Variants in TOPAZ1 observed in about 807,000 individuals in gnomAD.
TOPAZ1 encodes the protein testis and ovary specific TOPAZ 1, also known as protein TOPAZ1.
Under a neutral mutation model 172.2 loss-of-function variants are expected in TOPAZ1, and 66 were observed. The ratio of observed to expected loss-of-function variants is 0.38; its 90% CI spans 0.31 to 0.47. The LOEUF (loss-of-function observed/expected upper bound fraction) is 0.47. Among genes scored for constraint, TOPAZ1 ranks in the 20% least tolerant of loss-of-function variants. The pLI, the probability that TOPAZ1 is intolerant of heterozygous loss-of-function variation, is 0.99. For synonymous variants in TOPAZ1, 681 were observed against 683.9 expected (o/e 1.00, Z 0.07); for missense variants, 1,822 against 1,972.4 (o/e 0.92, Z 1.44).
downstream of TOPAZ1, among the ~76,000 whole-genome samples, chr3:44,336,409 T>C (rs1700726964): frequency 3.9e-5 from 6 of 152,212 alleles, no homozygotes; most frequent in South Asian, 1.2e-3. Context: ...TAAATGTTTA[T>C]AAAGCTGAAT....
chr3:44,278,634 G>C (rs1369983322), intron 8 of TOPAZ1, among the ~76,000 whole-genome samples: 1 of 152,044 alleles, frequency 6.6e-6, no homozygotes, highest in Non-Finnish European at 1.5e-5. Flanking sequence ...TGTATAGTTA[G>C]TTGTTCATAA....
chr3:44,255,670 TAC>T (rs71085609), intron 3 of TOPAZ1, among the ~76,000 whole-genome samples: 3,810 of 46,192 alleles, frequency 0.082, 119 homozygotes, highest in South Asian at 0.15. Context: ...AAAATATATA[TAC>T]ACACACACAC....
At chr3:44,272,287 G>T (rs965422497) in intron 8 of TOPAZ1, among the ~76,000 whole-genome samples, 4 of 152,118 alleles carry the variant, frequency 2.6e-5, no homozygotes, top group Non-Finnish European at 5.9e-5. Context: ...GGATCATATG[G>T]TAATTCTATT....
chr3:44,269,629 C>A (rs1559532066), intron 7 of TOPAZ1, among the ~76,000 whole-genome samples: 1 of 149,366 alleles, frequency 6.7e-6, no homozygotes. Context: ...TTTCCCTATC[C>A]TTTTTTTTGA....
At chr3:44,249,847 A>G (rs1265096783) in intron 2 of TOPAZ1, among the ~76,000 whole-genome samples, 3 of 152,188 alleles carry the variant, frequency 2.0e-5, no homozygotes, top group African/African-American at 4.8e-5. Flanking sequence ...AAGATTTTAT[A>G]AGTAGGGTGA....
chr3:44,284,026 G>A (rs959131594), intron 9 of TOPAZ1, among the ~76,000 whole-genome samples: 8 of 152,090 alleles, frequency 5.3e-5, no homozygotes, highest in African/African-American at 1.7e-4. Context: ...CCAGGATCAG[G>A]TGTGCATTTA....
At chr3:44,289,916 A>G (rs749987182) in intron 11 of TOPAZ1, among the ~76,000 whole-genome samples, 4 of 152,216 alleles carry the variant, frequency 2.6e-5, no homozygotes, top group Non-Finnish European at 4.4e-5. Context: ...ATAGAACCAA[A>G]TAAAATTCTC....
intron 8 of TOPAZ1, among the ~76,000 whole-genome samples, chr3:44,277,095 A>G (rs1699969411): frequency 6.6e-6 from 1 of 152,070 alleles, no homozygotes; most frequent in South Asian, 2.1e-4. Context: ...CTGGCCCAGT[A>G]TGGTCATTTT....
At chr3:44,262,527 C>G in intron 5 of TOPAZ1, 44 bp downstream of exon 5, 1 of 1,016,590 alleles carries the variant, frequency 9.8e-7, no homozygotes, top group Non-Finnish European at 1.5e-6. Flanking sequence ...AATAGTCACT[C>G]ATCTAATTTA....
At chr3:44,274,217 T>C (rs1211540918) in intron 8 of TOPAZ1, among the ~76,000 whole-genome samples, 6 of 150,494 alleles carry the variant, frequency 4.0e-5, no homozygotes, top group Non-Finnish European at 5.9e-5. Flanking sequence ...CAAGACCAGC[T>C]TGACCTACAA....
At chr3:44,258,128 T>C (rs1699736107) in intron 4 of TOPAZ1, among the ~76,000 whole-genome samples, 1 of 152,224 alleles carries the variant, frequency 6.6e-6, no homozygotes, top group South Asian at 2.1e-4. Flanking sequence ...TTCCTAAAGT[T>C]GCAGCCGAGG....
In TOPAZ1 at chr3:44,276,860, G is replaced by A. The variant is rs150862890; in HGVS notation, c.3373-5108G>A. 1.2e-3 allele frequency among the ~76,000 whole-genome samples: 180 copies of A among 151,504 alleles called. 4 individuals carry two copies. In the East Asian group the frequency reaches 0.034, roughly 29 times the overall value. On this transcript the variant is annotated intron_variant, in intron 8 of 19. Coordinates refer to ENST00000309765, the MANE Select transcript of TOPAZ1 (RefSeq NM_001145030.2). Reference sequence around the variant, plus strand: ...GGCTGGAGTACAGTGGCGAGATCTCGGCTCACTGCACCCTCCGCCTCCTGG... The same window carrying A: ...GGCTGGAGTACAGTGGCGAGATCTCAGCTCACTGCACCCTCCGCCTCCTGG...
intron 8 of TOPAZ1, 111 bp from the exon 9 acceptor site, chr3:44,281,857 T>C (rs188257428): frequency 1.6e-6 from 1 of 635,962 alleles, no homozygotes; most frequent in African/African-American, 1.9e-5. Context: ...ATTCCAATCC[T>C]TTGAGATCAT....
At chr3:44,316,502 G>T (rs1700453312) in intron 16 of TOPAZ1, among the ~76,000 whole-genome samples, 1 of 152,012 alleles carries the variant, frequency 6.6e-6, no homozygotes, top group African/African-American at 2.4e-5. Context: ...ACATATTAAA[G>T]ATACTAGTCC....
intron 1 of TOPAZ1, 114 bp downstream of exon 1, chr3:44,242,513 G>A: frequency 8.7e-7 from 1 of 1,144,540 alleles, no homozygotes; most frequent in East Asian, 2.6e-5. Flanking sequence ...GATGCACATA[G>A]TTGACCAGGA....
intron 9 of TOPAZ1, among the ~76,000 whole-genome samples, chr3:44,284,710 T>C (rs777573786): frequency 8.5e-5 from 13 of 152,218 alleles, no homozygotes; most frequent in Non-Finnish European, 1.9e-4. Flanking sequence ...TCCAGAAGTT[T>C]TATGGCCAAA....
chr3:44,264,106 C>T (rs1699803637), intron 5 of TOPAZ1, among the ~76,000 whole-genome samples: 1 of 152,282 alleles, frequency 6.6e-6, no homozygotes. Context: ...AACCTAACTC[C>T]TCCTCAGACC....
chr3:44,298,909 A>ATATATTTT (rs1287571186), intron 12 of TOPAZ1, among the ~76,000 whole-genome samples: 32 of 41,324 alleles, frequency 7.7e-4, no homozygotes, highest in Non-Finnish European at 1.1e-3. Context: ...ATATATATAT[A>ATATATTTT]TTTTTTTTTT....
intron 12 of TOPAZ1, among the ~76,000 whole-genome samples, chr3:44,294,443 A>G (rs1364392351): frequency 1.3e-5 from 2 of 152,176 alleles, no homozygotes; most frequent in Non-Finnish European, 2.9e-5. Context: ...ATGTTATTTT[A>G]TACTTGAATT....
Sources: gnomAD v4.1 joint callset for allele counts (sites outside exome capture counted in the v4.1 genomes callset) on GRCh38, gnomAD v4.1.1 for gene constraint, MANE v1.5 for transcripts, NCBI Gene and HGNC (gene_info 2026-07-23, HGNC 2026-07-21) for gene names.